The following ACYP2 variants were observed in gnomAD, a reference collection of about 807,000 sequenced individuals.
The protein encoded by ACYP2 is acylphosphatase 2, also known as acylphosphatase-2.
Under a neutral mutation model 11.2 loss-of-function variants are expected in ACYP2, and 12 were observed. The observed-to-expected ratio is 1.08, with a 90% confidence interval of 0.69 to 1.74. The LOEUF (loss-of-function observed/expected upper bound fraction) is 1.74. Among genes scored for constraint, ACYP2 ranks in the 40% most tolerant of loss-of-function variants. The pLI, the probability that ACYP2 is intolerant of heterozygous loss-of-function variation, is 0.00. For missense variants in ACYP2, 134 were observed against 101.9 expected (o/e 1.31, Z -1.35); for synonymous variants, 43 against 32.2 (o/e 1.33, Z -1.13).
chr2:54,049,509 T>C (rs1327898506), intron 2 of ACYP2, among the ~76,000 whole-genome samples: 1 of 152,190 alleles, frequency 6.6e-6, no homozygotes, highest in Non-Finnish European at 1.5e-5. Context: ...CCCTTTTAAC[T>C]TTACATTCTT....
intron 4 of ACYP2, chr2:54,057,380 AC>A (rs1676210274): frequency 2.5e-6 from 1 of 397,420 alleles, no homozygotes; most frequent in Admixed American, 4.4e-5. Context: ...CAAAATAAAT[AC>A]TGATTTTAAT....
At chr2:54,060,563 A>G (rs1676414841) in intron 4 of ACYP2, among the ~76,000 whole-genome samples, 1 of 152,102 alleles carries the variant, frequency 6.6e-6, no homozygotes, top group South Asian at 2.1e-4. Flanking sequence ...AATCTTAGTT[A>G]TCTATTTCTA....
At position 54,296,417 on chromosome 2, in the gene ACYP2, A is replaced by G. The variant is rs559110181; in HGVS notation, c.405-8271A>G. Among the ~76,000 whole-genome samples the G allele has an allele frequency of 1.1e-3, 164 of 152,354 alleles. 1 individual carries two copies. The South Asian group carries it at 0.011, about 11-fold the overall frequency. On this transcript the variant is annotated intron_variant, in intron 6 of 6. Coordinates refer to ENST00000607452, the MANE Select transcript of ACYP2 (RefSeq NM_001320586.2). ...GTGACTTCTTGTATAGGAACAAAAA[A>G]TATGGCACAGTTAATTTATTACACA...
At chr2:54,303,222 G>A (rs1003231799) in intron 6 of ACYP2, among the ~76,000 whole-genome samples, 12 of 152,016 alleles carry the variant, frequency 7.9e-5, no homozygotes, top group South Asian at 4.2e-4. Context: ...GTGATGGTGC[G>A]TGCCTGTAGT....
chr2:54,062,914 T>C (rs2103634374), intron 4 of ACYP2, among the ~76,000 whole-genome samples: 1 of 152,328 alleles, frequency 6.6e-6, no homozygotes, highest in Non-Finnish European at 1.5e-5. Context: ...ATGACTTCTC[T>C]GTTCTAGTTA....
At chr2:54,249,663 C>G (rs1409169133) in intron 6 of ACYP2, among the ~76,000 whole-genome samples, 1 of 152,028 alleles carries the variant, frequency 6.6e-6, no homozygotes, top group Non-Finnish European at 1.5e-5. Context: ...CAAAAATGGG[C>G]TGGGCACAGT....
chr2:54,006,494 A>T (rs1673071577), intron 2 of ACYP2, among the ~76,000 whole-genome samples: 8 of 152,072 alleles, frequency 5.3e-5, no homozygotes, highest in Admixed American at 5.2e-4. Context: ...TGTGCTGCCC[A>T]GAACTTCTGG....
At chr2:54,080,737 C>G (rs1037551208) in intron 4 of ACYP2, among the ~76,000 whole-genome samples, 12 of 152,076 alleles carry the variant, frequency 7.9e-5, no homozygotes, top group African/African-American at 2.9e-4. Flanking sequence ...ATCCTCCCAC[C>G]TCGGCCTCCC....
chr2:54,084,680 G>A (rs1300707137), intron 4 of ACYP2: 6 of 152,120 alleles, frequency 3.9e-5, no homozygotes, highest in African/African-American at 1.4e-4. Context: ...AACCACTGAA[G>A]CCAGACATTT....
chr2:54,036,085 A>G (rs768935360), intron 2 of ACYP2, among the ~76,000 whole-genome samples: 37 of 151,896 alleles, frequency 2.4e-4, no homozygotes, highest in Non-Finnish European at 4.3e-4. Flanking sequence ...TAGCATACAT[A>G]TTTCTTTTTT....
intron 4 of ACYP2, among the ~76,000 whole-genome samples, chr2:54,090,847 C>T (rs1164080437): frequency 2.0e-5 from 3 of 152,144 alleles, no homozygotes; most frequent in Admixed American, 6.5e-5. Context: ...TCCTCTGACT[C>T]TTGAGATCTG....
chr2:54,170,527 T>C (rs1488954097), intron 6 of ACYP2, among the ~76,000 whole-genome samples: 1 of 152,048 alleles, frequency 6.6e-6, no homozygotes, highest in Non-Finnish European at 1.5e-5. Context: ...AGAAAAACTT[T>C]ACCTCCAAAT....
At chr2:54,274,913 G>C (rs1334621384) in intron 6 of ACYP2, among the ~76,000 whole-genome samples, 1 of 152,186 alleles carries the variant, frequency 6.6e-6, no homozygotes, top group Non-Finnish European at 1.5e-5. Flanking sequence ...ACATTAAACA[G>C]TGGTGCTTTT....
chr2:54,105,610 G>A (rs1027977471), intron 4 of ACYP2, among the ~76,000 whole-genome samples: 1 of 151,950 alleles, frequency 6.6e-6, no homozygotes, highest in African/African-American at 2.4e-5. Context: ...GGGACTACAG[G>A]TGCAGCCTCC....
chr2:54,121,784 C>G (rs1680173587), intron 4 of ACYP2, among the ~76,000 whole-genome samples: 1 of 152,234 alleles, frequency 6.6e-6, no homozygotes, highest in Non-Finnish European at 1.5e-5. Context: ...CTACAGTTAT[C>G]TGTGTACACT....
chr2:54,004,391 C>G (rs1672948713), intron 2 of ACYP2, among the ~76,000 whole-genome samples: 1 of 143,012 alleles, frequency 7.0e-6, no homozygotes, highest in African/African-American at 2.6e-5. Context: ...GGTGTCTGTT[C>G]AGGTAGTTTA....
intron 6 of ACYP2, among the ~76,000 whole-genome samples, chr2:54,232,852 G>T (rs904336444): frequency 6.6e-6 from 1 of 152,124 alleles, no homozygotes; most frequent in Non-Finnish European, 1.5e-5. Context: ...CCGCCCCCAA[G>T]ATGCAGTCAC....
intron 4 of ACYP2, among the ~76,000 whole-genome samples, chr2:54,124,305 C>T (rs1479129465): frequency 6.6e-6 from 1 of 152,086 alleles, no homozygotes; most frequent in Non-Finnish European, 1.5e-5. Flanking sequence ...AGTGATTATC[C>T]TGCCTCAGCC....
chr2:54,189,753 T>C (rs1284070587), intron 6 of ACYP2, among the ~76,000 whole-genome samples: 1 of 152,098 alleles, frequency 6.6e-6, no homozygotes, highest in Non-Finnish European at 1.5e-5. Context: ...CATATGACAG[T>C]ACTACTTTTA....
Sources: allele counts gnomAD v4.1 joint callset (sites outside exome capture counted in the v4.1 genomes callset), GRCh38; gene constraint gnomAD v4.1.1; transcripts MANE v1.5; gene names NCBI Gene and HGNC (gene_info 2026-07-23, HGNC 2026-07-21).